NEDD9: variants seen among roughly 807,000 people sequenced by gnomAD.
The protein encoded by NEDD9 is neural precursor cell expressed, developmentally down-regulated 9, also known as enhancer of filamentation 1.
In NEDD9, 26 loss-of-function variants were observed where a neutral mutation model predicts 76.6. The ratio of observed to expected loss-of-function variants is 0.34; its 90% CI spans 0.25 to 0.47. The LOEUF is 0.47. Ranked by LOEUF, NEDD9 falls within the 20% of genes least tolerant of loss-of-function variation. The probability of loss-of-function intolerance (pLI) is 1.00; values close to 1 mark genes in which losing one functional copy is unlikely to be tolerated. For synonymous variants in NEDD9, 392 were observed against 414.2 expected (o/e 0.95, Z 0.65); for missense variants, 937 against 1,058.5 (o/e 0.89, Z 1.59).
At chr6:11,307,258 T>C (rs11759598) in intron 2 of NEDD9, among the ~76,000 whole-genome samples, 21,537 of 152,204 alleles carry the variant, frequency 0.14, 1,616 homozygotes, top group Middle Eastern at 0.22. Flanking sequence ...GGAGTTGGTC[T>C]CCTTTCACTT....
chr6:11,228,235 A>G (rs545356729), intron 1 of NEDD9, among the ~76,000 whole-genome samples: 32 of 152,300 alleles, frequency 2.1e-4, no homozygotes, highest in African/African-American at 6.5e-4. Context: ...AAAGTGGGAG[A>G]GAATTTGCAA....
At chr6:11,303,751 A>G (rs1040378407) in intron 3 of NEDD9, among the ~76,000 whole-genome samples, 1 of 152,244 alleles carries the variant, frequency 6.6e-6, no homozygotes, top group African/African-American at 2.4e-5. Flanking sequence ...AAAACTGGCT[A>G]GCCATATGTA....
chr6:11,248,469 T>C (rs1255947525), intron 3 of NEDD9, among the ~76,000 whole-genome samples: 1 of 152,160 alleles, frequency 6.6e-6, no homozygotes, highest in African/African-American at 2.4e-5. Context: ...AAAATTGCAG[T>C]TCTATATATT....
At chr6:11,364,625 G>A (rs1442212429) in intron 1 of NEDD9, among the ~76,000 whole-genome samples, 1 of 152,080 alleles carries the variant, frequency 6.6e-6, no homozygotes, top group Non-Finnish European at 1.5e-5. Context: ...AGGCTCCAAA[G>A]TTCCCTCATT....
intron 2 of NEDD9, among the ~76,000 whole-genome samples, chr6:11,201,849 A>G (rs939831225): frequency 6.6e-6 from 1 of 152,324 alleles, no homozygotes; most frequent in Non-Finnish European, 1.5e-5. Flanking sequence ...AGTCTCTACA[A>G]TCCAAAGCAA....
intron 1 of NEDD9, among the ~76,000 whole-genome samples, chr6:11,344,984 A>T (rs1415612849): frequency 6.6e-6 from 1 of 152,204 alleles, no homozygotes; most frequent in Non-Finnish European, 1.5e-5. Flanking sequence ...AGCCCTTTCA[A>T]CAAAAAGGAA....
chr6:11,341,160 C>T (rs193079398), intron 1 of NEDD9, among the ~76,000 whole-genome samples: 56 of 152,294 alleles, frequency 3.7e-4, no homozygotes, highest in African/African-American at 1.1e-3. Flanking sequence ...CAGACTATTT[C>T]GTCTCCTGTA....
intron 3 of NEDD9, among the ~76,000 whole-genome samples, chr6:11,269,897 C>A (rs905917767): frequency 6.6e-6 from 1 of 152,296 alleles, no homozygotes; most frequent in East Asian, 1.9e-4. Flanking sequence ...AAGGCCAAGG[C>A]GGGTGGATCA....
chr6:11,354,372 C>T (rs995935969), intron 1 of NEDD9, among the ~76,000 whole-genome samples: 6 of 152,172 alleles, frequency 3.9e-5, no homozygotes, highest in Admixed American at 3.3e-4. Context: ...TATCATTTTT[C>T]GGATGGAGTC....
rs369551129 is a variant in NEDD9 at position 11,355,843 on chromosome 6, C to T, written c.-213-21282G>A. On this transcript the variant is annotated intron_variant, in intron 1 of 3. Coordinates refer to the NEDD9 transcript ENST00000397378. ...TCACACCATTCTCCTGCCTCAGCCT[C>T]CCCAGTAGCTGGGACTACAGGCACC... Among the ~76,000 whole-genome samples, 8 of 152,264 alleles carry T rather than the reference C, an allele frequency of 5.3e-5. No individual in the cohort carries two copies. The East Asian group carries it at 1.5e-3, about 29-fold the overall frequency.
At chr6:11,226,311 A>G (rs1042913052) in intron 1 of NEDD9, among the ~76,000 whole-genome samples, 1 of 152,082 alleles carries the variant, frequency 6.6e-6, no homozygotes, top group Non-Finnish European at 1.5e-5. Context: ...GCAACCATCT[A>G]TCACCTAGGA....
chr6:11,257,367 C>G (rs2113317062), intron 3 of NEDD9, among the ~76,000 whole-genome samples: 1 of 152,226 alleles, frequency 6.6e-6, no homozygotes, highest in East Asian at 1.9e-4. Context: ...GTTGGGTGTC[C>G]CTGGTGTAGT....
At chr6:11,246,979 T>A (rs1399406190) in intron 3 of NEDD9, among the ~76,000 whole-genome samples, 2 of 152,148 alleles carry the variant, frequency 1.3e-5, no homozygotes, top group East Asian at 3.8e-4. Flanking sequence ...AAAGGCTGCT[T>A]GTGAAGGGAC....
intron 3 of NEDD9, among the ~76,000 whole-genome samples, chr6:11,268,725 TCACACACACACACACACACAGACACACA>T (rs1219797091): frequency 7.4e-6 from 1 of 135,164 alleles, no homozygotes; most frequent in African/African-American, 2.8e-5. Context: ...CGAAGCTCCA[TCACACACACACACACACACAGACACACA>T]CACACACACA....
intron 1 of NEDD9, among the ~76,000 whole-genome samples, chr6:11,364,772 G>A (rs986840029): frequency 2.0e-5 from 3 of 152,064 alleles, no homozygotes; most frequent in African/African-American, 4.8e-5. Flanking sequence ...TGCATTTTTC[G>A]CCATCCCACT....
At chr6:11,255,829 G>C (rs1759993366) in intron 3 of NEDD9, among the ~76,000 whole-genome samples, 1 of 152,154 alleles carries the variant, frequency 6.6e-6, no homozygotes, top group Non-Finnish European at 1.5e-5. Context: ...CCCTCTGGCT[G>C]CATAGGAGGG....
intron 3 of NEDD9, among the ~76,000 whole-genome samples, chr6:11,298,357 C>T (rs540182324): frequency 1.2e-3 from 177 of 152,156 alleles, no homozygotes; most frequent in African/African-American, 4.1e-3. Context: ...AAAAATCACC[C>T]AGAAGTCATG....
intron 3 of NEDD9, among the ~76,000 whole-genome samples, chr6:11,277,915 C>CCCACCCACCCAGATTCA (rs773195756): frequency 6.0e-4 from 91 of 152,314 alleles, no homozygotes; most frequent in Non-Finnish European, 1.1e-3. Context: ...CATTCTCTTT[C>CCCACCCACCCAGATTCA]TTCCTTTGCC....
rs1759639348 is a variant in NEDD9 at position 11,237,951 on chromosome 6, T to A, written c.13-24224A>T. Among the ~76,000 whole-genome samples the A allele has an allele frequency of 6.6e-6, 1 of 152,312 alleles. No individual in the cohort carries two copies. Among genetic ancestry groups the A allele is most frequent in the East Asian group, 1.9e-4 (1 of 5,190 alleles). On this transcript the variant is annotated intron_variant, in intron 3 of 3. Transcript: ENST00000397378. The surrounding 1 kb of genome is among the most constrained non-coding windows in gnomAD (Gnocchi z 4.9). ...GGGCCATGTTTTATCATTTCTAGTT[T>A]GACATTAGTTTTTAAAAACAATCTA...
Sources: gnomAD v4.1 joint callset for allele counts (sites outside exome capture counted in the v4.1 genomes callset) on GRCh38, gnomAD v4.1.1 for gene constraint, Gnocchi (gnomAD v3.1) non-coding constraint, MANE v1.5 for transcripts, NCBI Gene and HGNC (gene_info 2026-07-23, HGNC 2026-07-21) for gene names.